The following CSGALNACT1 variants were observed in gnomAD, a reference collection of about 807,000 sequenced individuals.
CSGALNACT1 encodes the protein chondroitin sulfate N-acetylgalactosaminyltransferase 1, also known as beta4GalNAcT-1.
A neutral mutation model predicts 51.0 loss-of-function variants in CSGALNACT1; 52 were observed. The observed-to-expected ratio is 1.02, with a 90% CI of 0.82 to 1.29. CSGALNACT1 has a LOEUF of 1.29. Among genes scored for constraint, CSGALNACT1 ranks in the 50% most tolerant of loss-of-function variants. The probability of loss-of-function intolerance (pLI) is 0.00; values close to 1 mark genes in which losing one functional copy is unlikely to be tolerated. For missense variants in CSGALNACT1, 935 were observed against 679.2 expected, an observed-to-expected ratio of 1.38 and a Z score of -4.19; for synonymous variants, 341 against 254.4, an observed-to-expected ratio of 1.34 and a Z score of -3.24.
chr8:19,564,040 C>T (rs2041386991), intron 3 of CSGALNACT1, among the ~76,000 whole-genome samples: 2 of 152,204 alleles, frequency 1.3e-5, no homozygotes, highest in Non-Finnish European at 1.5e-5. Context: ...CCACTGAGCA[C>T]TGCCCTGTCC....
chr8:19,669,190 A>G (rs1477201400), intron 1 of CSGALNACT1, among the ~76,000 whole-genome samples: 1 of 152,226 alleles, frequency 6.6e-6, no homozygotes, highest in East Asian at 1.9e-4. Flanking sequence ...CATTTCCCCA[A>G]TAGGAATTTG....
chr8:19,609,728 T>C (rs959329796), intron 1 of CSGALNACT1, among the ~76,000 whole-genome samples: 5 of 152,030 alleles, frequency 3.3e-5, no homozygotes, highest in African/African-American at 1.2e-4. Flanking sequence ...CATGAAACCT[T>C]TTCTGGGGAT....
At chr8:19,743,815 A>G (rs1393767554) in intron 1 of CSGALNACT1, among the ~76,000 whole-genome samples, 1 of 152,254 alleles carries the variant, frequency 6.6e-6, no homozygotes, top group Non-Finnish European at 1.5e-5. Context: ...ATTCATAAAA[A>G]ATGCAAACTA....
At chr8:19,744,052 T>C (rs914547286) in intron 1 of CSGALNACT1, among the ~76,000 whole-genome samples, 1 of 152,216 alleles carries the variant, frequency 6.6e-6, no homozygotes, top group African/African-American at 2.4e-5. Context: ...TTGCCCTGAA[T>C]ACTTTGCCTA....
chr8:19,431,837 C>T (rs1023600041), intron 6 of CSGALNACT1, among the ~76,000 whole-genome samples: 3 of 151,560 alleles, frequency 2.0e-5, no homozygotes, highest in African/African-American at 7.3e-5. Flanking sequence ...TTAAATCAAT[C>T]CATTTGCTTG....
At chr8:19,552,576 A>T (rs2088444885) in intron 3 of CSGALNACT1, among the ~76,000 whole-genome samples, 3 of 152,314 alleles carry the variant, frequency 2.0e-5, no homozygotes, top group Admixed American at 6.5e-5. Context: ...CAAGATACAT[A>T]CTTGCAAGCT....
chr8:19,611,973 T>C (rs981141373), intron 1 of CSGALNACT1, among the ~76,000 whole-genome samples: 2 of 152,092 alleles, frequency 1.3e-5, no homozygotes, highest in Admixed American at 6.5e-5. Flanking sequence ...TGATTAATTC[T>C]AAGACTCCAT....
intron 3 of CSGALNACT1, among the ~76,000 whole-genome samples, chr8:19,524,296 C>G (rs997675734): frequency 6.6e-6 from 1 of 152,128 alleles, no homozygotes; most frequent in African/African-American, 2.4e-5. Context: ...TGAAAAAACA[C>G]TGCCACAGAT....
At chr8:19,660,738 G>A (rs1177570925) in intron 1 of CSGALNACT1, among the ~76,000 whole-genome samples, 2 of 152,032 alleles carry the variant, frequency 1.3e-5, no homozygotes, top group Non-Finnish European at 2.9e-5. Flanking sequence ...GATATTAAAG[G>A]CAATGACATG....
Position 19,667,003 on chromosome 8 carries a change from GAA to G in CSGALNACT1, c.-544+15468_-544+15469del, listed in dbSNP as rs1201645786. Among the ~76,000 whole-genome samples, 6 of 28,598 alleles carry G rather than the reference GAA, an allele frequency of 2.1e-4. 1 individual carries two copies. Among genetic ancestry groups the G allele is most frequent in the East Asian group, 1.4e-3 (2 of 1,456 alleles). The allele number at this position is 28,598 out of a possible 152,430, so 18.8% of individuals were successfully genotyped here. ...AGAAAGAAAGAAAGAAAGAAAGAAA[GAA>G]AGAAAGAAAGAAAGGAAGGAAGGAA... On this transcript the variant is annotated intron_variant, in intron 1 of 9. Transcript: ENST00000332246.
chr8:19,564,125 G>T (rs2041404432), intron 3 of CSGALNACT1, among the ~76,000 whole-genome samples: 1 of 152,152 alleles, frequency 6.6e-6, no homozygotes, highest in South Asian at 2.1e-4. Flanking sequence ...TTCTTTCACT[G>T]AACTTAACGC....
intron 1 of CSGALNACT1, among the ~76,000 whole-genome samples, chr8:19,749,806 T>C (rs769125994): frequency 6.6e-6 from 1 of 152,178 alleles, no homozygotes; most frequent in Non-Finnish European, 1.5e-5. Flanking sequence ...AGAGCTCCAG[T>C]AGTTATTGCC....
At chr8:19,599,903 C>A (rs919878098) in intron 2 of CSGALNACT1, among the ~76,000 whole-genome samples, 3 of 152,182 alleles carry the variant, frequency 2.0e-5, no homozygotes, top group African/African-American at 7.2e-5. Context: ...TACCCCACAC[C>A]CAGTGCATGC....
At chr8:19,639,329 T>G (rs2056471064) in intron 1 of CSGALNACT1, among the ~76,000 whole-genome samples, 1 of 152,220 alleles carries the variant, frequency 6.6e-6, no homozygotes, top group Admixed American at 6.5e-5. Flanking sequence ...TCATGGGGTC[T>G]GGGGGAAATA....
intron 1 of CSGALNACT1, among the ~76,000 whole-genome samples, chr8:19,637,114 G>A (rs137996640): frequency 1.5e-4 from 23 of 152,266 alleles, no homozygotes; most frequent in African/African-American, 5.3e-4. Flanking sequence ...GCTGAGGCAG[G>A]AGAATCGCTT....
intron 1 of CSGALNACT1, among the ~76,000 whole-genome samples, chr8:19,678,295 AT>A (rs1419445627): frequency 6.6e-6 from 1 of 152,206 alleles, no homozygotes; most frequent in Non-Finnish European, 1.5e-5. Flanking sequence ...GCTCTTTAGA[AT>A]TAGCATGTAA....
At chr8:19,437,039 A>C (rs1333774674) in intron 6 of CSGALNACT1, among the ~76,000 whole-genome samples, 1 of 152,198 alleles carries the variant, frequency 6.6e-6, no homozygotes, top group Non-Finnish European at 1.5e-5. Flanking sequence ...TTAAGGAGTC[A>C]TGAGACACAG....
intron 1 of CSGALNACT1, among the ~76,000 whole-genome samples, chr8:19,753,039 T>C (rs565867305): frequency 6.6e-6 from 1 of 152,280 alleles, no homozygotes; most frequent in South Asian, 2.1e-4. Flanking sequence ...TGTCCCATCC[T>C]GCATAAAGCT....
At chr8:19,438,692 T>C (rs1056022839) in intron 6 of CSGALNACT1, among the ~76,000 whole-genome samples, 3 of 152,332 alleles carry the variant, frequency 2.0e-5, no homozygotes, top group Admixed American at 6.5e-5. Flanking sequence ...ACAAATAATA[T>C]GTAAACAAAC....
Sources: gnomAD v4.1 joint callset for allele counts (sites outside exome capture counted in the v4.1 genomes callset) on GRCh38, gnomAD v4.1.1 for gene constraint, MANE v1.5 for transcripts, NCBI Gene and HGNC (gene_info 2026-07-23, HGNC 2026-07-21) for gene names.